CTNNA3: variants seen among roughly 807,000 people sequenced by gnomAD.
The protein encoded by CTNNA3 is catenin alpha-3.
Under a neutral mutation model 95.7 loss-of-function variants are expected in CTNNA3, and 76 were observed. The ratio of observed to expected loss-of-function variants is 0.79; its 90% confidence interval spans 0.66 to 0.96. The LOEUF is 0.96. Ranked by LOEUF, CTNNA3 falls within the 40% of genes least tolerant of loss-of-function variation. CTNNA3 has a pLI of 0.00. For missense variants in CTNNA3, 1,191 were observed against 1,089.8 expected (o/e 1.09, Z -1.31); for synonymous variants, 431 against 374.4 (o/e 1.15, Z -1.74).
chr10:67,248,582 G>A (rs1189519161), intron 5 of CTNNA3, among the ~76,000 whole-genome samples: 1 of 151,836 alleles, frequency 6.6e-6, no homozygotes, highest in Non-Finnish European at 1.5e-5. Context: ...CACTTGGCTG[G>A]TTTTTGCTTT....
At chr10:66,962,633 G>C (rs12252372) in intron 7 of CTNNA3, among the ~76,000 whole-genome samples, 1 of 151,644 alleles carries the variant, frequency 6.6e-6, no homozygotes. Flanking sequence ...GGATGTTCTC[G>C]ATCTCCTGAT....
chr10:66,266,823 C>G (rs1751036253), intron 13 of CTNNA3, among the ~76,000 whole-genome samples: 1 of 151,996 alleles, frequency 6.6e-6, no homozygotes, highest in Admixed American at 6.6e-5. Flanking sequence ...TTAGTATTAC[C>G]TGTATCACTC....
intron 15 of CTNNA3, among the ~76,000 whole-genome samples, chr10:66,039,676 T>C (rs969153731): frequency 6.6e-6 from 1 of 152,152 alleles, no homozygotes; most frequent in Non-Finnish European, 1.5e-5. Context: ...TGGCTAGCCA[T>C]GTGCAGAAGA....
At chr10:66,607,965 A>G (rs1844189108) in intron 10 of CTNNA3, among the ~76,000 whole-genome samples, 1 of 152,180 alleles carries the variant, frequency 6.6e-6, no homozygotes, top group Non-Finnish European at 1.5e-5. Flanking sequence ...CAGGGAAGAG[A>G]AATAAATAAA....
intron 15 of CTNNA3, among the ~76,000 whole-genome samples, chr10:66,022,452 C>G (rs1253843559): frequency 6.6e-6 from 1 of 152,064 alleles, no homozygotes; most frequent in African/African-American, 2.4e-5. Flanking sequence ...TTAACATCTA[C>G]CAAGAAAAGA....
chr10:66,889,675 T>G (rs1460923424), intron 7 of CTNNA3, among the ~76,000 whole-genome samples: 1 of 152,080 alleles, frequency 6.6e-6, no homozygotes, highest in African/African-American at 2.4e-5. Flanking sequence ...GATTTTATGA[T>G]GCATAAGGTA....
At chr10:66,360,643 C>CTTCCTTCCTTCCTTCCT (rs1564896069) in intron 12 of CTNNA3, among the ~76,000 whole-genome samples, 16 of 61,840 alleles carry the variant, frequency 2.6e-4, no homozygotes, top group Admixed American at 9.0e-4. Flanking sequence ...TTCTTTCTTT[C>CTTCCTTCCTTCCTTCCT]TTTCTTTCTT....
intron 5 of CTNNA3, among the ~76,000 whole-genome samples, chr10:67,496,947 T>A: frequency 6.6e-6 from 1 of 152,116 alleles, no homozygotes; most frequent in Admixed American, 6.5e-5. Context: ...TTTAAAAAAA[T>A]TACACTTTAA....
At chr10:67,630,824 A>T (rs570207306) in intron 2 of CTNNA3, among the ~76,000 whole-genome samples, 1 of 152,366 alleles carries the variant, frequency 6.6e-6, no homozygotes, top group Non-Finnish European at 1.5e-5. Context: ...TTTACAAAAG[A>T]TAACACATTA....
chr10:66,946,282 A>T (rs1451489062), intron 7 of CTNNA3, among the ~76,000 whole-genome samples: 2 of 152,212 alleles, frequency 1.3e-5, no homozygotes, highest in Admixed American at 1.3e-4. Context: ...GGAAATAGTG[A>T]TCACATTTTG....
chr10:66,532,484 C>T (rs1236494421), intron 10 of CTNNA3, among the ~76,000 whole-genome samples: 3 of 148,480 alleles, frequency 2.0e-5, no homozygotes, highest in African/African-American at 5.0e-5. Flanking sequence ...AAAAAAAAGG[C>T]ATGTATTTGA....
chr10:66,425,179 T>G (rs890989038), intron 11 of CTNNA3, among the ~76,000 whole-genome samples: 2 of 151,988 alleles, frequency 1.3e-5, no homozygotes, highest in Non-Finnish European at 2.9e-5. Flanking sequence ...TGACACAAGT[T>G]TTAGTATTTG....
chr10:67,622,169 T>C (rs892179635), intron 2 of CTNNA3, among the ~76,000 whole-genome samples: 2 of 152,186 alleles, frequency 1.3e-5, no homozygotes, highest in Non-Finnish European at 2.9e-5. Context: ...TGGGGAGATA[T>C]GGACTCTTCT....
intron 7 of CTNNA3, among the ~76,000 whole-genome samples, chr10:67,133,193 T>C (rs1357319001): frequency 6.6e-6 from 1 of 150,580 alleles, no homozygotes; most frequent in Non-Finnish European, 1.5e-5. Context: ...CGTAAATAGG[T>C]GAAACATTGT....
chr10:67,511,303 G>T (rs1309392500), intron 5 of CTNNA3, among the ~76,000 whole-genome samples: 1 of 152,126 alleles, frequency 6.6e-6, no homozygotes, highest in Non-Finnish European at 1.5e-5. Flanking sequence ...TCCAGTTTTT[G>T]CCCAGTCAGT....
chr10:66,632,784 T>C (rs760719074), intron 9 of CTNNA3, among the ~76,000 whole-genome samples: 5 of 151,908 alleles, frequency 3.3e-5, no homozygotes, highest in Admixed American at 6.6e-5. Context: ...ATACAAAAGA[T>C]AGGCAAAACT....
intron 15 of CTNNA3, among the ~76,000 whole-genome samples, chr10:66,024,084 C>CCTTTTTTTTTTTTTTT (rs1183185763): frequency 1.6e-5 from 1 of 62,676 alleles, no homozygotes; most frequent in East Asian, 5.9e-4. Context: ...ATACCATACA[C>CCTTTTTTTTTTTTTTT]ATTTTTTTTT....
At chr10:66,416,891 A>G (rs2093150904) in intron 11 of CTNNA3, among the ~76,000 whole-genome samples, 1 of 152,032 alleles carries the variant, frequency 6.6e-6, no homozygotes, top group South Asian at 2.1e-4. Context: ...GCAAACATAC[A>G]AATGTGGAAA....
chr10:66,169,474 C>T (rs2085306516), intron 13 of CTNNA3, among the ~76,000 whole-genome samples: 1 of 152,134 alleles, frequency 6.6e-6, no homozygotes, highest in African/African-American at 2.4e-5. Flanking sequence ...TATTGTAATG[C>T]TATAAACATG....
Sources: allele counts gnomAD v4.1 joint callset (sites outside exome capture counted in the v4.1 genomes callset), GRCh38; gene constraint gnomAD v4.1.1; transcripts MANE v1.5; gene names NCBI Gene and HGNC (gene_info 2026-07-23, HGNC 2026-07-21).